ZFAT: variants seen among roughly 807,000 people sequenced by gnomAD.
The protein encoded by ZFAT is zinc finger and AT-hook domain containing, also known as zinc finger protein ZFAT.
Under a neutral mutation model 117.7 loss-of-function variants are expected in ZFAT, and 64 were observed. That is an observed-to-expected ratio of 0.54 (90% CI 0.44 to 0.67). ZFAT has a LOEUF of 0.67. ZFAT is among the 30% of genes least tolerant of loss of function. The pLI, the probability that ZFAT is intolerant of heterozygous loss-of-function variation, is 0.00. For missense variants in ZFAT, 1,433 were observed against 1,584.5 expected (o/e 0.90, Z 1.62); for synonymous variants, 679 against 615.0 (o/e 1.10, Z -1.54).
At chr8:134,499,738 G>A (rs1007316459) in intron 15 of ZFAT, among the ~76,000 whole-genome samples, 11 of 152,338 alleles carry the variant, frequency 7.2e-5, no homozygotes, top group South Asian at 6.2e-4. Context: ...ACTGCTGGCC[G>A]GGGGACTACG....
At chr8:134,628,692 A>G (rs1407557350) in intron 3 of ZFAT, among the ~76,000 whole-genome samples, 2 of 152,240 alleles carry the variant, frequency 1.3e-5, no homozygotes, top group Non-Finnish European at 2.9e-5. Context: ...TTAATACAGC[A>G]GTCTATGTAT....
In ZFAT at chr8:134,568,131, A is replaced by G. The variant is rs139719630; in HGVS notation, c.2888-2710T>C. On this transcript the variant is annotated intron_variant, in intron 10 of 15. Coordinates refer to ENST00000377838, the MANE Select transcript of ZFAT (RefSeq NM_020863.4). ...TGAGTGAAAATTTTGTACATCTTAT[A>G]TGAACATCAGCCTCAATAACAGCAG... Among the ~76,000 whole-genome samples the G allele has an allele frequency of 7.5e-3, 1,143 of 152,334 alleles. 17 individuals carry two copies. Among genetic ancestry groups the G allele is most frequent in the African/African-American group, 0.025 (1,046 of 41,564 alleles).
intron 1 of ZFAT, among the ~76,000 whole-genome samples, chr8:134,663,142 T>C (rs996573020): frequency 6.6e-6 from 1 of 152,226 alleles, no homozygotes; most frequent in African/African-American, 2.4e-5. Flanking sequence ...CGTCCAAAAC[T>C]AGAACTGGGA....
intron 11 of ZFAT, 77 bp downstream of exon 11, chr8:134,565,256 T>C: frequency 6.2e-7 from 1 of 1,601,692 alleles, no homozygotes; most frequent in Non-Finnish European, 8.5e-7. Flanking sequence ...AATGAAAGAA[T>C]GCTCTCTCCA....
intron 15 of ZFAT, 63 bp downstream of exon 15, chr8:134,509,556 A>C: frequency 1.9e-6 from 3 of 1,605,212 alleles, no homozygotes; most frequent in Non-Finnish European, 2.5e-6. Flanking sequence ...AAACACAGGG[A>C]GAAGGAGAGA....
At chr8:134,649,202 C>CACACA (rs71298211) in intron 2 of ZFAT, among the ~76,000 whole-genome samples, 5 of 146,302 alleles carry the variant, frequency 3.4e-5, no homozygotes, top group Admixed American at 1.3e-4. Flanking sequence ...CACACACACA[C>CACACA]CCCATCATAC....
rs186930625 is a variant in ZFAT at position 134,639,627 on chromosome 8, A to G, written c.197-1915T>C. ...AAGGGAGATGGGAGGAAAGAAATAC[A>G]AGGTACAGAGTAAGAAACCATTTCC... On this transcript the variant is annotated intron_variant, in intron 2 of 15. Transcript: ENST00000377838. The G allele has an allele frequency of 7.1e-4, 320 of 451,704 alleles. 6 individuals are homozygous for G. The Admixed American group carries it at 7.5e-3, about 11-fold the overall frequency. 28.0% of individuals were successfully genotyped at this position (451,704 alleles called of 1,614,324 possible). A position where few individuals can be genotyped will look rare whatever the true frequency, so the allele number is the denominator to read the frequency against.
chr8:134,811,751 C>G, the ZFAT span, among the ~76,000 whole-genome samples: 1 of 152,106 alleles, frequency 6.6e-6, no homozygotes, highest in Non-Finnish European at 1.5e-5. Flanking sequence ...TATTAGATAC[C>G]AATTAAAAGC....
chr8:134,792,497 C>T, the ZFAT span: 1 of 152,132 alleles, frequency 6.6e-6, no homozygotes, highest in African/African-American at 2.4e-5. Flanking sequence ...TTTTCATTAC[C>T]TAACCAAGAG....
upstream of ZFAT, among the ~76,000 whole-genome samples, chr8:134,716,216 CATAT>C (rs1179881865): frequency 1.9e-4 from 29 of 151,814 alleles, no homozygotes; most frequent in African/African-American, 4.6e-4. Flanking sequence ...TGCACACACA[CATAT>C]ATATCTATAA....
At chr8:134,486,730 T>A (rs1186998827) in intron 15 of ZFAT, among the ~76,000 whole-genome samples, 6 of 152,142 alleles carry the variant, frequency 3.9e-5, no homozygotes, top group Non-Finnish European at 7.4e-5. Context: ...ACAGAGCCAC[T>A]GTCAAGATCA....
rs111258997 is a variant in ZFAT, at chr8:134,704,047, A to G, written c.19+8798T>C. On this transcript the variant is annotated intron_variant, in intron 1 of 15. Coordinates refer to ENST00000377838, the MANE Select transcript of ZFAT (RefSeq NM_020863.4). ...TCATGTAATATATAATATAGGAGGC[A>G]ATGGTGACTCAAGATACTTGCCAAG... is the stretch of plus-strand genomic sequence containing the variant. Among the ~76,000 whole-genome samples, 230 of 152,304 alleles carry G rather than the reference A, an allele frequency of 1.5e-3. 1 individual carries two copies. Among genetic ancestry groups the G allele is most frequent in the African/African-American group, 5.3e-3 (222 of 41,566 alleles).
At chr8:134,653,817 G>C (rs1424284400) in intron 2 of ZFAT, among the ~76,000 whole-genome samples, 1 of 152,050 alleles carries the variant, frequency 6.6e-6, no homozygotes, top group Non-Finnish European at 1.5e-5. Context: ...TAAGGCTGCA[G>C]AACACATATT....
chr8:134,579,156 G>T (rs868249828), intron 10 of ZFAT, among the ~76,000 whole-genome samples: 1 of 152,240 alleles, frequency 6.6e-6, no homozygotes, highest in Admixed American at 6.5e-5. Context: ...GGCCAGGTGG[G>T]CATCCAAATG....
the ZFAT span, chr8:134,764,695 GT>G: frequency 1.3e-5 from 2 of 152,166 alleles, no homozygotes; most frequent in East Asian, 3.8e-4. Flanking sequence ...TAAGTCTATT[GT>G]TTTGTATGCA....
chr8:134,808,139 A>G, the ZFAT span, among the ~76,000 whole-genome samples: 1 of 152,250 alleles, frequency 6.6e-6, no homozygotes. Context: ...ATGAGTAAGG[A>G]GCTGAGAACA....
intron 2 of ZFAT, among the ~76,000 whole-genome samples, chr8:134,655,916 T>A (rs937156501): frequency 6.6e-6 from 1 of 151,830 alleles, no homozygotes; most frequent in Non-Finnish European, 1.5e-5. Context: ...TAGCTGGGTG[T>A]GGTGGCGGGC....
chr8:134,627,916 A>C (rs1829627577), intron 3 of ZFAT, among the ~76,000 whole-genome samples: 2 of 152,176 alleles, frequency 1.3e-5, no homozygotes, highest in Admixed American at 6.5e-5. Context: ...TCCACAGGGA[A>C]CCAGGCCGTG....
intron 3 of ZFAT, among the ~76,000 whole-genome samples, chr8:134,630,201 C>T (rs184327484): frequency 4.7e-4 from 72 of 152,318 alleles, no homozygotes; most frequent in African/African-American, 1.4e-3. Context: ...CTCACAAGTA[C>T]GCCCAAGACC....
Sources: gnomAD v4.1 joint callset for allele counts (sites outside exome capture counted in the v4.1 genomes callset) on GRCh38, gnomAD v4.1.1 for gene constraint, MANE v1.5 for transcripts, NCBI Gene and HGNC (gene_info 2026-07-23, HGNC 2026-07-21) for gene names.